CSMD1: variants seen among roughly 807,000 people sequenced by gnomAD.
CSMD1 encodes CUB and sushi domain-containing protein 1.
CSMD1 carries 213 observed loss-of-function variants against 417.5 expected under a neutral mutation model. That is an observed-to-expected ratio of 0.51 (90% CI 0.46 to 0.57). CSMD1 has a LOEUF of 0.57. Among genes scored for constraint, CSMD1 ranks in the 20% least tolerant of loss-of-function variants. CSMD1 has a pLI of 0.00. For missense variants in CSMD1, 6,923 were observed against 4,529.7 expected (o/e 1.53, Z -15.17); for synonymous variants, 2,862 against 1,736.8 (o/e 1.65, Z -16.11).
chr8:4,465,588 C>A (rs1043486195), intron 2 of CSMD1, among the ~76,000 whole-genome samples: 1 of 152,102 alleles, frequency 6.6e-6, no homozygotes, highest in East Asian at 1.9e-4. Flanking sequence ...CAGCAGGCCA[C>A]TTAGAAGTCA....
chr8:3,851,424 C>T (rs1042357684), intron 5 of CSMD1, among the ~76,000 whole-genome samples: 1 of 152,172 alleles, frequency 6.6e-6, no homozygotes, highest in Non-Finnish European at 1.5e-5. Flanking sequence ...ACCAATTTCT[C>T]AGTGCTGAGT....
intron 3 of CSMD1, among the ~76,000 whole-genome samples, chr8:4,199,532 T>A (rs1799529074): frequency 6.6e-6 from 1 of 152,178 alleles, no homozygotes; most frequent in African/African-American, 2.4e-5. Flanking sequence ...TAAGCGATCA[T>A]CAGTATTGAA....
At chr8:4,811,199 A>C (rs1798881789) in intron 1 of CSMD1, among the ~76,000 whole-genome samples, 1 of 152,202 alleles carries the variant, frequency 6.6e-6, no homozygotes, top group Non-Finnish European at 1.5e-5. Flanking sequence ...TCATTTCTGG[A>C]AAATGGTGAA....
chr8:3,642,761 G>C (rs1015519041), intron 7 of CSMD1, among the ~76,000 whole-genome samples: 1 of 151,970 alleles, frequency 6.6e-6, no homozygotes, highest in Admixed American at 6.6e-5. Flanking sequence ...GGAACAAGAA[G>C]GCAATAAACG....
At chr8:4,092,426 A>T (rs1188344615) in intron 3 of CSMD1, among the ~76,000 whole-genome samples, 1 of 152,196 alleles carries the variant, frequency 6.6e-6, no homozygotes, top group Admixed American at 6.5e-5. Context: ...TCAGCATATT[A>T]TGAGACTATA....
At position 3,915,147 on chromosome 8, in the gene CSMD1, T is replaced by G. The variant is rs575877027; in HGVS notation, c.818+82756A>C. Among the ~76,000 whole-genome samples, 3 of 152,196 alleles carry G rather than the reference T, an allele frequency of 2.0e-5. No individual in the cohort carries two copies. In the South Asian group the frequency reaches 6.2e-4, roughly 32 times the overall value. On this transcript the variant is annotated intron_variant, in intron 5 of 69. Coordinates refer to ENST00000635120, the MANE Select transcript of CSMD1 (RefSeq NM_033225.6). ...CAGGTTGGGAGTAGTAGTTCACGCC[T>G]GTAATCCCAGCCCTTTGGGAGGCTG...
intron 1 of CSMD1, among the ~76,000 whole-genome samples, chr8:4,959,093 G>T (rs1333831552): frequency 6.6e-6 from 1 of 152,150 alleles, no homozygotes; most frequent in East Asian, 1.9e-4. Context: ...AAATAGTTTA[G>T]TCTATGCTTA....
chr8:3,327,356 A>G (rs1308898113), intron 23 of CSMD1, among the ~76,000 whole-genome samples: 2 of 151,976 alleles, frequency 1.3e-5, no homozygotes, highest in Non-Finnish European at 2.9e-5. Context: ...GATGGTCTCG[A>G]TCTCGTGACC....
intron 5 of CSMD1, among the ~76,000 whole-genome samples, chr8:3,939,279 T>C (rs556463047): frequency 2.0e-5 from 3 of 152,268 alleles, no homozygotes; most frequent in East Asian, 1.9e-4. Context: ...TCATTAATTA[T>C]CAGAGAAATG....
At chr8:4,955,631 T>A (rs1444449198) in intron 1 of CSMD1, among the ~76,000 whole-genome samples, 2 of 152,088 alleles carry the variant, frequency 1.3e-5, no homozygotes, top group African/African-American at 4.8e-5. Context: ...AATTTTTGTA[T>A]TTTTAATAGA....
At chr8:4,198,061 T>C (rs1799440195) in intron 3 of CSMD1, among the ~76,000 whole-genome samples, 1 of 152,198 alleles carries the variant, frequency 6.6e-6, no homozygotes, top group Non-Finnish European at 1.5e-5. Context: ...GCTCAGCGAT[T>C]ATCAAAGCGC....
chr8:3,926,094 C>CACACAAACACCATACAT lies in CSMD1; in HGVS notation c.818+71808_818+71809insATGTATGGTGTTTGTGT, dbSNP rs1809675899. On this transcript the variant is annotated intron_variant, in intron 5 of 69. Coordinates refer to ENST00000635120, the MANE Select transcript of CSMD1 (RefSeq NM_033225.6). The stretch of plus-strand genomic sequence containing the variant: ...CACACAAACACCATACACACACACA[C>CACACAAACACCATACAT]ACACACACACACACACACACACACA... Among the ~76,000 whole-genome samples, 3 of 59,916 alleles carry CACACAAACACCATACAT rather than the reference C, an allele frequency of 5.0e-5. 1 individual carries two copies. Among genetic ancestry groups the CACACAAACACCATACAT allele is most frequent in the African/African-American group, 3.0e-4 (3 of 9,848 alleles). 39.3% of individuals were successfully genotyped at this position (59,916 alleles called of 152,430 possible).
intron 4 of CSMD1, among the ~76,000 whole-genome samples, chr8:4,014,759 C>T (rs1796442081): frequency 6.6e-6 from 1 of 152,166 alleles, no homozygotes; most frequent in South Asian, 2.1e-4. Flanking sequence ...CAAAGAAGGG[C>T]ATTTACCTGG....
rs114960887 is a variant in CSMD1, at chr8:4,649,715, C to A, written c.86-12157G>T. ...AAAAAAATTAAACGTTTTTGTGTATCTGAGCCGAAGGCTAAATTCTGTTTC... is the reference window on the plus strand; with the variant it reads ...AAAAAAATTAAACGTTTTTGTGTATATGAGCCGAAGGCTAAATTCTGTTTC... On this transcript the variant is annotated intron_variant, in intron 1 of 69. Transcript: ENST00000635120. Among the ~76,000 whole-genome samples, 1,501 of 152,348 alleles carry A rather than the reference C, an allele frequency of 9.9e-3. 24 individuals carry two copies. The highest frequency in any genetic ancestry group is 0.033 in the African/African-American group (1,364 of 41,582).
chr8:4,613,628 C>G (rs143426802), intron 2 of CSMD1, among the ~76,000 whole-genome samples: 1 of 152,062 alleles, frequency 6.6e-6, no homozygotes, highest in Admixed American at 6.6e-5. Flanking sequence ...GTGACTTGAG[C>G]GAGGTTTGCC....
chr8:4,311,829 A>G (rs1798598809), intron 3 of CSMD1, among the ~76,000 whole-genome samples: 1 of 151,990 alleles, frequency 6.6e-6, no homozygotes, highest in African/African-American at 2.4e-5. Flanking sequence ...GAGAGTGCGA[A>G]GGAGAGGAGC....
chr8:4,840,813 G>C (rs572533705), intron 1 of CSMD1, among the ~76,000 whole-genome samples: 5 of 152,104 alleles, frequency 3.3e-5, no homozygotes, highest in African/African-American at 4.8e-5. Context: ...TACCAGGTAG[G>C]ATTAAGTATA....
chr8:4,032,028 T>A lies in CSMD1; in HGVS notation c.487A>T (p.Ile163Leu). The A allele has an allele frequency of 1.2e-6, 2 of 1,614,002 alleles. No homozygotes were observed. The highest frequency in any genetic ancestry group is 1.7e-6 in the Non-Finnish European group (2 of 1,179,872). The part of the protein sequence containing the change: ...KGVLHGTRFN[I>L]GDKIRYSCLP... ...CAGCTGTACCGGATTTTGTCTCCTA[T>A]GTTGAATCTCGTTCCATGCAGAACT... Residue 163 changes from isoleucine (I) to leucine (L), a missense_variant, in exon 4 of 70, where the codon ATA becomes TTA. Physicochemically the swap from Ile to Leu is conservative, Grantham distance 5. Coordinates refer to ENST00000635120, the MANE Select transcript of CSMD1 (RefSeq NM_033225.6).
At chr8:3,247,151 T>C (rs1799934072) in intron 26 of CSMD1, among the ~76,000 whole-genome samples, 1 of 152,096 alleles carries the variant, frequency 6.6e-6, no homozygotes, top group South Asian at 2.1e-4. Flanking sequence ...TAAATGTTTG[T>C]GGGATGCAGG....
Sources: allele counts gnomAD v4.1 joint callset (sites outside exome capture counted in the v4.1 genomes callset), GRCh38; gene constraint gnomAD v4.1.1; transcripts MANE v1.5; gene names NCBI Gene and HGNC (gene_info 2026-07-23, HGNC 2026-07-21).